RSRC1: variants seen among roughly 807,000 people sequenced by gnomAD.
The protein encoded by RSRC1 is serine/Arginine-related protein 53.
Under a neutral mutation model 49.1 loss-of-function variants are expected in RSRC1, and 39 were observed. The observed-to-expected ratio is 0.79, with a 90% CI of 0.61 to 1.04. The LOEUF is 1.04. Ranked by LOEUF, RSRC1 falls within the 50% of genes least tolerant of loss-of-function variation. The pLI is 0.00. For synonymous variants in RSRC1, 143 were observed against 130.8 expected, an observed-to-expected ratio of 1.09 and a Z score of -0.63; for missense variants, 388 against 402.4, an observed-to-expected ratio of 0.96 and a Z score of 0.31.
intron 6 of RSRC1, among the ~76,000 whole-genome samples, chr3:158,441,798 G>A (rs1236823715): frequency 6.6e-6 from 1 of 152,032 alleles, no homozygotes; most frequent in Admixed American, 6.6e-5. Flanking sequence ...TGTCACCATG[G>A]TGAGAGAAGT....
intron 5 of RSRC1, among the ~76,000 whole-genome samples, chr3:158,349,715 T>G (rs1730756607): frequency 6.8e-6 from 1 of 147,298 alleles, no homozygotes; most frequent in Non-Finnish European, 1.5e-5. Context: ...TTTTTTTTTT[T>G]GAGACAGGGT....
chr3:158,442,728 T>C (rs1264614672), intron 6 of RSRC1, among the ~76,000 whole-genome samples: 2 of 152,116 alleles, frequency 1.3e-5, no homozygotes, highest in Non-Finnish European at 2.9e-5. Flanking sequence ...TCATTTACTT[T>C]GGAAGTCCAT....
Position 158,423,652 on chromosome 3 carries a change from G to A in RSRC1, c.584-37283G>A, listed in dbSNP as rs1241682499. ...GCTTGATGGGGATGGCATTGAATCTGTAAATTACCTTGGGCAGTATGGCCA... is the reference window on the plus strand; with the variant it reads ...GCTTGATGGGGATGGCATTGAATCTATAAATTACCTTGGGCAGTATGGCCA... On this transcript the variant is annotated intron_variant, in intron 6 of 9. Coordinates refer to ENST00000611884, the MANE Select transcript of RSRC1 (RefSeq NM_001271838.2). Among the ~76,000 whole-genome samples the A allele has an allele frequency of 9.9e-5, 15 of 152,062 alleles. No individual in the cohort carries two copies. In the East Asian group the frequency reaches 2.7e-3, roughly 27 times the overall value.
In RSRC1 at chr3:158,294,718, T is replaced by A. The variant is rs1044155938; in HGVS notation, c.495-3321T>A. On this transcript the variant is annotated intron_variant, in intron 4 of 9. Transcript: ENST00000611884. Reference sequence around the variant, plus strand: ...ACACCCTCAAAAACAGTAAAAAAAATAAATAAATAACCACCCACACCCTAC... The same window carrying A: ...ACACCCTCAAAAACAGTAAAAAAAAAAAATAAATAACCACCCACACCCTAC... Among the ~76,000 whole-genome samples, 7 of 151,784 alleles carry A rather than the reference T, an allele frequency of 4.6e-5. No individual in the cohort carries two copies. In the East Asian group the frequency reaches 1.4e-3, roughly 31 times the overall value.
intron 7 of RSRC1, among the ~76,000 whole-genome samples, chr3:158,503,850 T>A (rs1739726321): frequency 6.6e-6 from 1 of 152,104 alleles, no homozygotes; most frequent in East Asian, 1.9e-4. Flanking sequence ...ACCTGTGGAG[T>A]CTGCACACGG....
intron 4 of RSRC1, among the ~76,000 whole-genome samples, chr3:158,249,384 T>C (rs1724080974): frequency 6.6e-6 from 1 of 152,246 alleles, no homozygotes; most frequent in Admixed American, 6.5e-5. Flanking sequence ...ATGTACTTTC[T>C]GTCTGGCTTC....
chr3:158,236,874 C>A (rs1240514227), intron 4 of RSRC1, among the ~76,000 whole-genome samples: 1 of 152,110 alleles, frequency 6.6e-6, no homozygotes, highest in Non-Finnish European at 1.5e-5. Context: ...CCAGAAAGTT[C>A]ATTGGCAGTA....
At chr3:158,542,836 CAAT>C in intron 8 of RSRC1, among the ~76,000 whole-genome samples, 1 of 152,204 alleles carries the variant, frequency 6.6e-6, no homozygotes. Context: ...TTCTATAACT[CAAT>C]AAGGCTATTT....
chr3:158,327,108 C>A (rs2108184050), intron 5 of RSRC1, among the ~76,000 whole-genome samples: 1 of 152,032 alleles, frequency 6.6e-6, no homozygotes, highest in East Asian at 1.9e-4. Context: ...TTTTTATTGC[C>A]TCTATTTGAT....
At chr3:158,154,552 C>T (rs1283090056) in intron 3 of RSRC1, among the ~76,000 whole-genome samples, 82 of 150,402 alleles carry the variant, frequency 5.5e-4, no homozygotes, top group Non-Finnish European at 7.4e-5. Flanking sequence ...GCAACCTCTG[C>T]CTCCCGGGTT....
At chr3:158,453,050 A>G (rs1365412336) in intron 6 of RSRC1, among the ~76,000 whole-genome samples, 1 of 152,100 alleles carries the variant, frequency 6.6e-6, no homozygotes, top group Admixed American at 6.6e-5. Flanking sequence ...TTGTCTTGAA[A>G]ATCTTTCCAT....
At chr3:158,375,250 C>T (rs1356132730) in intron 6 of RSRC1, among the ~76,000 whole-genome samples, 1 of 151,004 alleles carries the variant, frequency 6.6e-6, no homozygotes, top group Non-Finnish European at 1.5e-5. Flanking sequence ...GGCTGGAGTG[C>T]AGGTGGCATG....
chr3:158,261,770 T>A (rs1414704405), intron 4 of RSRC1, among the ~76,000 whole-genome samples: 1 of 152,218 alleles, frequency 6.6e-6, no homozygotes, highest in Non-Finnish European at 1.5e-5. Context: ...TGCCTGATGA[T>A]CTGTCATTGT....
intron 5 of RSRC1, among the ~76,000 whole-genome samples, chr3:158,325,443 A>G (rs750397822): frequency 2.0e-5 from 3 of 152,242 alleles, no homozygotes; most frequent in Non-Finnish European, 4.4e-5. Context: ...AGCTTTCTAC[A>G]TATGGCTAGC....
chr3:158,349,663 A>G (rs77098923), intron 5 of RSRC1, among the ~76,000 whole-genome samples: 10,686 of 147,628 alleles, frequency 0.072, 458 homozygotes, highest in South Asian at 0.13. Flanking sequence ...AAAGACTTAC[A>G]CTAAAAGTTT....
At chr3:158,294,216 C>T (rs1204142758) in intron 4 of RSRC1, among the ~76,000 whole-genome samples, 1 of 151,860 alleles carries the variant, frequency 6.6e-6, no homozygotes, top group Non-Finnish European at 1.5e-5. Flanking sequence ...TTTTTGCCCC[C>T]TCCCTATGCC....
chr3:158,277,310 T>G lies in RSRC1; in HGVS notation c.495-20729T>G, dbSNP rs1053522321. Among the ~76,000 whole-genome samples, 4 of 152,210 alleles carry G rather than the reference T, an allele frequency of 2.6e-5. No individual in the cohort carries two copies. In the East Asian group the frequency reaches 7.7e-4, roughly 29 times the overall value. On this transcript the variant is annotated intron_variant, in intron 4 of 9. Coordinates refer to ENST00000611884, the MANE Select transcript of RSRC1 (RefSeq NM_001271838.2). ...TGATCTGTAATGAGATTTTAAACATTTCACCTTTGAAAATGTCTTCACACA... is the reference window on the plus strand; with the variant it reads ...TGATCTGTAATGAGATTTTAAACATGTCACCTTTGAAAATGTCTTCACACA...
chr3:158,517,549 C>T (rs1740641169), intron 7 of RSRC1, among the ~76,000 whole-genome samples: 3 of 149,826 alleles, frequency 2.0e-5, no homozygotes, highest in Admixed American at 2.0e-4. Context: ...TGTTTCCTTC[C>T]TTTTTTATTT....
intron 6 of RSRC1, among the ~76,000 whole-genome samples, chr3:158,459,541 A>G (rs1345484287): frequency 7.9e-5 from 12 of 152,116 alleles, no homozygotes; most frequent in Admixed American, 7.9e-4. Context: ...AGCATTTTAC[A>G]TGACTCAAGG....
Sources: allele counts gnomAD v4.1 joint callset (sites outside exome capture counted in the v4.1 genomes callset), GRCh38; gene constraint gnomAD v4.1.1; transcripts MANE v1.5; gene names NCBI Gene and HGNC (gene_info 2026-07-23, HGNC 2026-07-21).